The following PLXDC2 variants were observed in gnomAD, a reference collection of about 807,000 sequenced individuals.
PLXDC2 encodes plexin domain containing 2.
In PLXDC2, 40 loss-of-function variants were observed where a neutral mutation model predicts 68.9. The observed-to-expected ratio is 0.58, with a 90% CI of 0.45 to 0.76. The LOEUF is 0.76. Among genes scored for constraint, PLXDC2 ranks in the 30% least tolerant of loss-of-function variants. The probability of loss-of-function intolerance (pLI) is 0.00; values close to 1 mark genes in which losing one functional copy is unlikely to be tolerated. For missense variants in PLXDC2, 644 were observed against 661.9 expected, an observed-to-expected ratio of 0.97 and a Z score of 0.30; for synonymous variants, 243 against 234.2, an observed-to-expected ratio of 1.04 and a Z score of -0.34.
chr10:20,188,818 A>G (rs867195175), intron 9 of PLXDC2, among the ~76,000 whole-genome samples: 83 of 151,936 alleles, frequency 5.5e-4, no homozygotes, highest in Admixed American at 5.3e-4. Context: ...AACTAGTTAA[A>G]AAGATTGGAA....
At chr10:19,984,658 A>G (rs1834606467) in intron 1 of PLXDC2, among the ~76,000 whole-genome samples, 1 of 152,170 alleles carries the variant, frequency 6.6e-6, no homozygotes, top group Non-Finnish European at 1.5e-5. Context: ...CTCAGACAGT[A>G]TAAGTTTATG....
At position 20,245,396 on chromosome 10, in the gene PLXDC2, G is replaced by T. The variant is rs774243560; in HGVS notation, c.1364G>T (p.Gly455Val). The T allele has an allele frequency of 6.2e-7, 1 of 1,613,994 alleles. No homozygotes were observed. Among genetic ancestry groups the T allele is most frequent in the East Asian group, 2.2e-5 (1 of 44,868 alleles). The change falls in exon 13 of 14, where the codon GGC (glycine) becomes GTC (valine). Residue 455 changes from glycine to valine, a missense_variant. By Grantham distance (109) the Gly-to-Val change is moderately radical (BLOSUM62 -3). Coordinates refer to ENST00000377252, the MANE Select transcript of PLXDC2 (RefSeq NM_032812.9). ...AEKKGGTLHA[G>V]LIIGILILVL... ...AAGAAAGGGGGAACCCTCCACGCTG[G>T]CCTCATCATTGGAATCCTCATCCTG...
chr10:19,923,400 A>G (rs191998833), intron 1 of PLXDC2, among the ~76,000 whole-genome samples: 296 of 152,348 alleles, frequency 1.9e-3, no homozygotes, highest in African/African-American at 6.5e-3. Flanking sequence ...GAATTAACAC[A>G]GGGTTTATCA....
intron 10 of PLXDC2, among the ~76,000 whole-genome samples, chr10:20,215,627 G>A (rs1359608807): frequency 6.6e-6 from 1 of 152,040 alleles, no homozygotes; most frequent in Non-Finnish European, 1.5e-5. Flanking sequence ...GATCACCTAA[G>A]CAAATTCACA....
At chr10:19,932,056 A>G (rs182109250) in intron 1 of PLXDC2, among the ~76,000 whole-genome samples, 4 of 152,148 alleles carry the variant, frequency 2.6e-5, no homozygotes, top group Admixed American at 2.0e-4. Context: ...GCTTTTTGAT[A>G]CTGTGTATCA....
intron 13 of PLXDC2, among the ~76,000 whole-genome samples, chr10:20,249,579 C>T (rs1372336937): frequency 6.6e-6 from 1 of 152,284 alleles, no homozygotes; most frequent in Non-Finnish European, 1.5e-5. Flanking sequence ...AACGTTGACC[C>T]TCCAGCCTCC....
At chr10:19,829,366 A>T (rs1239982701) in intron 1 of PLXDC2, among the ~76,000 whole-genome samples, 1 of 151,588 alleles carries the variant, frequency 6.6e-6, no homozygotes, top group African/African-American at 2.4e-5. Flanking sequence ...TTAGCGTTCC[A>T]CTTTTATAAA....
At chr10:19,941,985 A>G (rs1833828198) in intron 1 of PLXDC2, among the ~76,000 whole-genome samples, 1 of 152,096 alleles carries the variant, frequency 6.6e-6, no homozygotes, top group Admixed American at 6.6e-5. Flanking sequence ...AAAAAAAAAA[A>G]AAAAAGAACT....
At chr10:19,836,390 A>T (rs1443814824) in intron 1 of PLXDC2, among the ~76,000 whole-genome samples, 1 of 152,216 alleles carries the variant, frequency 6.6e-6, no homozygotes, top group Non-Finnish European at 1.5e-5. Flanking sequence ...CTCAACAAAA[A>T]TGATCACAGC....
At chr10:20,092,677 A>G (rs1004428909) in intron 4 of PLXDC2, among the ~76,000 whole-genome samples, 4 of 152,092 alleles carry the variant, frequency 2.6e-5, no homozygotes. Context: ...ATGTTACCTC[A>G]TAAAGAAAAA....
intron 4 of PLXDC2, among the ~76,000 whole-genome samples, chr10:20,136,148 G>A (rs7901754): frequency 0.026 from 4,026 of 152,094 alleles, 75 homozygotes; most frequent in South Asian, 0.069. Context: ...TCTATTAACC[G>A]TCTAGTTTGC....
intron 6 of PLXDC2, among the ~76,000 whole-genome samples, chr10:20,159,361 G>C (rs1834260747): frequency 6.6e-6 from 1 of 152,074 alleles, no homozygotes; most frequent in Non-Finnish European, 1.5e-5. Flanking sequence ...GTCCCTCGCT[G>C]TCTTTATTAA....
rs151254418 is a variant in PLXDC2 at position 19,960,804 on chromosome 10, G to A, written c.113-40971G>A. ...AACATGAAAGCGACACAGACCTTGA[G>A]CAATATTGCTATTTGCATAATCAGT... On this transcript the variant is annotated intron_variant, in intron 1 of 13. Coordinates refer to ENST00000377252, the MANE Select transcript of PLXDC2 (RefSeq NM_032812.9). 2.2e-3 allele frequency among the ~76,000 whole-genome samples: 333 copies of A among 152,240 alleles called. 1 individual carries two copies. The highest frequency in any genetic ancestry group is 7.8e-3 in the African/African-American group (322 of 41,536).
intron 1 of PLXDC2, among the ~76,000 whole-genome samples, chr10:19,977,490 T>G (rs1834477702): frequency 6.6e-6 from 1 of 152,240 alleles, no homozygotes; most frequent in Non-Finnish European, 1.5e-5. Flanking sequence ...CACATTCTGA[T>G]GATAATCTTT....
chr10:20,018,002 T>C (rs568099582), intron 2 of PLXDC2, among the ~76,000 whole-genome samples: 7 of 152,334 alleles, frequency 4.6e-5, no homozygotes, highest in African/African-American at 1.7e-4. Context: ...ATTAGGGGCA[T>C]GTAGGAACCT....
rs79803025 is a variant in PLXDC2, at chr10:20,134,670, G to A, written c.542-8625G>A. Among the ~76,000 whole-genome samples the A allele has an allele frequency of 9.3e-3, 1,414 of 152,242 alleles. 14 individuals carry two copies. Among genetic ancestry groups the A allele is most frequent in the African/African-American group, 0.033 (1,354 of 41,528 alleles). On this transcript the variant is annotated intron_variant, in intron 4 of 13. Transcript: ENST00000377252. ...CAACCTGGCACAAGGGTTCACAGGC[G>A]CTTACGTGAAGCCTAGGTCTGTGAA... is the stretch of plus-strand genomic sequence containing the variant.
intron 1 of PLXDC2, among the ~76,000 whole-genome samples, chr10:19,849,451 C>T (rs1173120908): frequency 6.6e-6 from 1 of 152,106 alleles, no homozygotes; most frequent in African/African-American, 2.4e-5. Flanking sequence ...ATCGTAGTTC[C>T]CATAATCCCC....
chr10:20,065,743 G>A (rs373208902), intron 3 of PLXDC2, among the ~76,000 whole-genome samples: 2 of 152,198 alleles, frequency 1.3e-5, no homozygotes, highest in South Asian at 2.1e-4. Context: ...CGCATGTGCA[G>A]TTCACAATAG....
intron 1 of PLXDC2, among the ~76,000 whole-genome samples, chr10:19,869,676 G>A (rs1446543277): frequency 6.6e-6 from 1 of 151,650 alleles, no homozygotes. Context: ...TTAATATATT[G>A]AATAGTATTT....
Sources: allele counts gnomAD v4.1 joint callset (sites outside exome capture counted in the v4.1 genomes callset), GRCh38; gene constraint gnomAD v4.1.1; transcripts MANE v1.5; gene names NCBI Gene and HGNC (gene_info 2026-07-23, HGNC 2026-07-21).